Variants in ZNF804A observed in about 807,000 individuals in gnomAD.
The protein encoded by ZNF804A is zinc finger protein 804A.
A neutral mutation model predicts 16.5 loss-of-function variants in ZNF804A; 2 were observed. The ratio of observed to expected loss-of-function variants is 0.12; its 90% CI spans 0.05 to 0.38. ZNF804A has a LOEUF of 0.38. Ranked by LOEUF, ZNF804A falls within the 10% of genes least tolerant of loss-of-function variation. The pLI, the probability that ZNF804A is intolerant of heterozygous loss-of-function variation, is 0.99. For missense variants in ZNF804A, 1,473 were observed against 1,390.7 expected (o/e 1.06, Z -0.94); for synonymous variants, 534 against 489.6 (o/e 1.09, Z -1.20).
intron 2 of ZNF804A, among the ~76,000 whole-genome samples, chr2:184,886,294 T>C (rs1339084625): frequency 6.6e-6 from 1 of 152,250 alleles, no homozygotes; most frequent in East Asian, 1.9e-4. Context: ...AAAGGTTGGT[T>C]ACCATGGTCT....
chr2:184,816,522 T>C (rs1465888191), intron 1 of ZNF804A, among the ~76,000 whole-genome samples: 2 of 152,040 alleles, frequency 1.3e-5, no homozygotes, highest in Non-Finnish European at 2.9e-5. Flanking sequence ...TGGGTATTTA[T>C]TTTTACAATT....
intron 1 of ZNF804A, among the ~76,000 whole-genome samples, chr2:184,844,659 T>G (rs1200898315): frequency 6.6e-6 from 1 of 152,016 alleles, no homozygotes; most frequent in Non-Finnish European, 1.5e-5. Flanking sequence ...GGTTTTCTGC[T>G]GTTTGATTCT....
rs1685502168 is a variant in ZNF804A, at chr2:184,919,834, G to A, written c.256-13769G>A. On this transcript the variant is annotated intron_variant, in intron 2 of 3. Transcript: ENST00000302277. ...AGGGTAGTTGCAAAAAAGAACTGTA[G>A]GCTGGTCATGGTGGCTTATGCCTGT... Among the ~76,000 whole-genome samples, 3 of 152,134 alleles carry A rather than the reference G, an allele frequency of 2.0e-5. No individual in the cohort carries two copies. In the South Asian group the frequency reaches 6.2e-4, roughly 31 times the overall value.
intron 1 of ZNF804A, among the ~76,000 whole-genome samples, chr2:184,607,861 G>A (rs1691174334): frequency 6.8e-6 from 1 of 146,364 alleles, no homozygotes; most frequent in Non-Finnish European, 1.5e-5. Context: ...CACAACTCTA[G>A]TTGAACCAAG....
At chr2:184,839,029 G>A (rs1383613347) in intron 1 of ZNF804A, among the ~76,000 whole-genome samples, 1 of 152,026 alleles carries the variant, frequency 6.6e-6, no homozygotes, top group Non-Finnish European at 1.5e-5. Context: ...ATTGAACATT[G>A]AAATCTGATA....
intron 1 of ZNF804A, among the ~76,000 whole-genome samples, chr2:184,806,788 T>C (rs1460574560): frequency 6.6e-6 from 1 of 151,802 alleles, no homozygotes; most frequent in Non-Finnish European, 1.5e-5. Context: ...AACATTTCAC[T>C]GAAACTGAGT....
chr2:184,830,100 A>T (rs1695238647), intron 1 of ZNF804A, among the ~76,000 whole-genome samples: 1 of 129,738 alleles, frequency 7.7e-6, no homozygotes, highest in Non-Finnish European at 1.6e-5. Context: ...TGTCTCAACA[A>T]CACACCCACC....
chr2:184,893,358 A>T (rs1202804748), intron 2 of ZNF804A, among the ~76,000 whole-genome samples: 3 of 152,010 alleles, frequency 2.0e-5, no homozygotes, highest in Non-Finnish European at 2.9e-5. Context: ...TGCTTAGATC[A>T]TTATAGAAGT....
chr2:184,678,236 T>G (rs1692473565), intron 1 of ZNF804A, among the ~76,000 whole-genome samples: 1 of 152,108 alleles, frequency 6.6e-6, no homozygotes, highest in African/African-American at 2.4e-5. Flanking sequence ...AAAACTTTTA[T>G]GTGGTTTAAT....
At chr2:184,605,671 G>A (rs1473066071) in intron 1 of ZNF804A, among the ~76,000 whole-genome samples, 1 of 152,040 alleles carries the variant, frequency 6.6e-6, no homozygotes, top group Non-Finnish European at 1.5e-5. Context: ...AAGAATAAGG[G>A]AGGATGTGTA....
At chr2:184,832,808 A>T (rs1234560420) in intron 1 of ZNF804A, among the ~76,000 whole-genome samples, 1 of 151,934 alleles carries the variant, frequency 6.6e-6, no homozygotes, top group East Asian at 1.9e-4. Flanking sequence ...CCAAAAGTTC[A>T]TTGTGTTTTA....
At chr2:184,823,995 T>C (rs1214943042) in intron 1 of ZNF804A, among the ~76,000 whole-genome samples, 1 of 152,188 alleles carries the variant, frequency 6.6e-6, no homozygotes, top group Non-Finnish European at 1.5e-5. Context: ...CTTTTAATAG[T>C]AAATGTTTCT....
At chr2:184,821,435 AT>A (rs2105791194) in intron 1 of ZNF804A, among the ~76,000 whole-genome samples, 1 of 152,284 alleles carries the variant, frequency 6.6e-6, no homozygotes, top group Admixed American at 6.6e-5. Context: ...AAAGATTTAA[AT>A]GTAAAACTCC....
chr2:184,598,829 G>A lies in ZNF804A; in HGVS notation c.-131G>A, dbSNP rs1469797042. 3 of 487,758 alleles carry A rather than the reference G, an allele frequency of 6.2e-6. No individual in the cohort carries two copies. Among genetic ancestry groups the A allele is most frequent in the Non-Finnish European group, 1.0e-5 (3 of 287,400 alleles). The allele number at this position is 487,758 out of a possible 1,614,324, so 30.2% of individuals were successfully genotyped here. A position where few individuals can be genotyped will look rare whatever the true frequency, so the allele number is the denominator to read the frequency against. On this transcript the variant is annotated 5_prime_UTR_variant, in exon 1 of 4. Coordinates refer to ENST00000302277, the MANE Select transcript of ZNF804A (RefSeq NM_194250.2). ...GGGTGCAGTGAGCCAGTCTCCAGAG[G>A]ACGTGCCGGGGGTGGCTGCGTGCCC... is the stretch of plus-strand genomic sequence containing the variant.
intron 2 of ZNF804A, among the ~76,000 whole-genome samples, chr2:184,910,169 A>G (rs1447840266): frequency 6.6e-6 from 1 of 151,934 alleles, no homozygotes; most frequent in Non-Finnish European, 1.5e-5. Context: ...CTACTATGCC[A>G]TATTTTTGTG....
chr2:184,628,763 T>A (rs1024770710), intron 1 of ZNF804A, among the ~76,000 whole-genome samples: 8 of 152,172 alleles, frequency 5.3e-5, no homozygotes, highest in African/African-American at 1.9e-4. Flanking sequence ...TTTTTTTGTA[T>A]ACACCTAGAA....
intron 1 of ZNF804A, among the ~76,000 whole-genome samples, chr2:184,604,027 A>G (rs2105666120): frequency 6.6e-6 from 1 of 152,024 alleles, no homozygotes; most frequent in Middle Eastern, 3.4e-3. Flanking sequence ...ATTACCACAT[A>G]CTTTTGTTAA....
intron 1 of ZNF804A, among the ~76,000 whole-genome samples, chr2:184,721,320 T>C: frequency 6.6e-6 from 1 of 152,066 alleles, no homozygotes; most frequent in East Asian, 1.9e-4. Context: ...ACCTGTTAAA[T>C]GGGAAAAATA....
At chr2:184,654,734 G>A (rs1348133427) in intron 1 of ZNF804A, among the ~76,000 whole-genome samples, 1 of 152,120 alleles carries the variant, frequency 6.6e-6, no homozygotes, top group African/African-American at 2.4e-5. Flanking sequence ...AAGCATATAG[G>A]ATTCTGGATG....
Sources: gnomAD v4.1 joint callset for allele counts (sites outside exome capture counted in the v4.1 genomes callset) on GRCh38, gnomAD v4.1.1 for gene constraint, MANE v1.5 for transcripts, NCBI Gene and HGNC (gene_info 2026-07-23, HGNC 2026-07-21) for gene names.